Variants in GRIN2B observed in about 807,000 individuals in gnomAD.
The protein encoded by GRIN2B is glutamate receptor ionotropic, NMDA 2B.
In GRIN2B, 5 loss-of-function variants were observed where a neutral mutation model predicts 114.5. The ratio of observed to expected loss-of-function variants is 0.04; its 90% CI spans 0.02 to 0.09. The LOEUF (loss-of-function observed/expected upper bound fraction) is 0.09, where lower values mean the gene tolerates loss of function less well. GRIN2B is among the 10% of genes least tolerant of loss of function. GRIN2B has a pLI of 1.00. For synonymous variants in GRIN2B, 787 were observed against 745.1 expected, an observed-to-expected ratio of 1.06 and a Z score of -0.92; for missense variants, 1,108 against 1,943.5, an observed-to-expected ratio of 0.57 and a Z score of 8.08.
rs531756590 is a variant in GRIN2B, at chr12:13,634,410, C to G, written c.1126-17753G>C. Among the ~76,000 whole-genome samples, 90 of 152,290 alleles carry G rather than the reference C, an allele frequency of 5.9e-4. No individual in the cohort carries two copies. The South Asian group carries it at 0.011, about 18-fold the overall frequency. ...GCTCGTGTAACCACATTGAGGTTGG[C>G]AGGGCAGCCTTTTCTAAGCAGTGAT... On this transcript the variant is annotated intron_variant, in intron 5 of 13. Coordinates refer to ENST00000609686, the MANE Select transcript of GRIN2B (RefSeq NM_000834.5).
At chr12:13,670,287 TGGTAG>T (rs1254535356) in intron 5 of GRIN2B, 1 of 152,148 alleles carries the variant, frequency 6.6e-6, no homozygotes, top group Non-Finnish European at 1.5e-5. Context: ...GGGAGTTTTC[TGGTAG>T]GTGGAGGCAG....
chr12:13,864,878 C>T (rs967493311), intron 3 of GRIN2B, among the ~76,000 whole-genome samples: 2 of 152,062 alleles, frequency 1.3e-5, no homozygotes, highest in Admixed American at 6.6e-5. Context: ...ATCAGAATCC[C>T]GAGGGGTGGG....
chr12:13,710,774 T>A (rs1440573201), intron 4 of GRIN2B, among the ~76,000 whole-genome samples: 2 of 152,164 alleles, frequency 1.3e-5, no homozygotes, highest in African/African-American at 2.4e-5. Context: ...GTAGGAAGAA[T>A]CAATACTGTG....
chr12:13,888,708 T>C (rs535041668), intron 2 of GRIN2B, among the ~76,000 whole-genome samples: 2 of 150,396 alleles, frequency 1.3e-5, no homozygotes, highest in South Asian at 4.2e-4. Context: ...CATTCCAGCC[T>C]GGGAGAGGGA....
At chr12:13,862,393 C>A (rs1414514509) in intron 3 of GRIN2B, among the ~76,000 whole-genome samples, 4 of 152,114 alleles carry the variant, frequency 2.6e-5, no homozygotes, top group African/African-American at 7.2e-5. Context: ...TGGAAATAAA[C>A]TAACAACAAA....
intron 5 of GRIN2B, among the ~76,000 whole-genome samples, chr12:13,632,885 G>T (rs1470045879): frequency 6.6e-6 from 1 of 152,144 alleles, no homozygotes; most frequent in African/African-American, 2.4e-5. Flanking sequence ...CAATTATATT[G>T]GAATCGCTAA....
chr12:13,668,334 A>G (rs898543751), intron 5 of GRIN2B, among the ~76,000 whole-genome samples: 21 of 152,186 alleles, frequency 1.4e-4, no homozygotes, highest in African/African-American at 5.1e-4. Flanking sequence ...ATGATATTCC[A>G]AAGTCTATTC....
chr12:13,544,696 T>C lies in GRIN2B; in HGVS notation c.*18087A>G, dbSNP rs990247108. The C allele has an allele frequency of 1.2e-4, 18 of 152,334 alleles. No individual in the cohort carries two copies. Among genetic ancestry groups the C allele is most frequent in the African/African-American group, 4.1e-4 (17 of 41,576 alleles). 9.4% of individuals were successfully genotyped at this position (152,334 alleles called of 1,614,324 possible). A position where few individuals can be genotyped will look rare whatever the true frequency, so the allele number is the denominator to read the frequency against. On this transcript the variant is annotated 3_prime_UTR_variant, in exon 14 of 14. Coordinates refer to ENST00000609686, the MANE Select transcript of GRIN2B (RefSeq NM_000834.5). ...AGGTTATTCTTAAGATTTTTCTTTC[T>C]CTTATTCAATGTCTAATTCATCAGC...
At position 13,958,426 on chromosome 12, in the gene GRIN2B, T is replaced by C. The variant is rs142579876; in HGVS notation, c.-19+21502A>G. On this transcript the variant is annotated intron_variant, in intron 2 of 13. Coordinates refer to ENST00000609686, the MANE Select transcript of GRIN2B (RefSeq NM_000834.5). ...TCAGCTGCATAATGGAACATCATCA[T>C]CTATCTCATTTGCCAAATGAGGTCA... Among the ~76,000 whole-genome samples, 419 of 152,306 alleles carry C rather than the reference T, an allele frequency of 2.8e-3. 3 individuals carry two copies. Among genetic ancestry groups the C allele is most frequent in the African/African-American group, 9.0e-3 (375 of 41,572 alleles).
intron 4 of GRIN2B, among the ~76,000 whole-genome samples, chr12:13,678,857 T>A (rs548343001): frequency 6.6e-6 from 1 of 152,286 alleles, no homozygotes; most frequent in African/African-American, 2.4e-5. Context: ...TAATATAATA[T>A]ACTTGAAAAT....
intron 4 of GRIN2B, among the ~76,000 whole-genome samples, chr12:13,737,526 A>T (rs1462475064): frequency 6.6e-6 from 1 of 152,160 alleles, no homozygotes; most frequent in African/African-American, 2.4e-5. Flanking sequence ...TTCATATAAT[A>T]TCTTAAATGT....
chr12:13,888,791 A>AT (rs1491472127), intron 2 of GRIN2B, among the ~76,000 whole-genome samples: 1 of 57,898 alleles, frequency 1.7e-5, no homozygotes, highest in East Asian at 2.8e-4. Context: ...GGTATAAAAG[A>AT]TAAAAAAAAA....
intron 3 of GRIN2B, among the ~76,000 whole-genome samples, chr12:13,849,348 A>G (rs1865521171): frequency 6.6e-6 from 1 of 152,034 alleles, no homozygotes; most frequent in East Asian, 1.9e-4. Context: ...CAGCCGTTGG[A>G]CAACTTCAGG....
intron 10 of GRIN2B, among the ~76,000 whole-genome samples, chr12:13,595,059 T>C (rs986647480): frequency 1.6e-4 from 24 of 152,154 alleles, no homozygotes; most frequent in African/African-American, 5.8e-4. Context: ...AGAGGTGAGA[T>C]TGAAATTCCA....
chr12:13,855,049 G>GAGAAAAAAA (rs1555148042), intron 3 of GRIN2B, among the ~76,000 whole-genome samples: 2 of 88,028 alleles, frequency 2.3e-5, no homozygotes, highest in African/African-American at 9.7e-5. Context: ...CATCTCTACT[G>GAGAAAAAAA]AAAAAAAAAA....
intron 2 of GRIN2B, among the ~76,000 whole-genome samples, chr12:13,948,742 TTTACTTTTGAGTAAAG>T (rs1867414741): frequency 6.6e-6 from 1 of 152,162 alleles, no homozygotes; most frequent in East Asian, 1.9e-4. Context: ...TGTGTCTTGA[TTTACTTTTGAGTAAAG>T]ACTCAAAAGT....
Position 13,564,275 on chromosome 12 carries a change from T to G in GRIN2B, c.2963A>C (p.His988Pro). 6.2e-7 allele frequency: 1 copy of G among 1,614,132 alleles called. No individual in the cohort carries two copies. Among genetic ancestry groups the G allele is most frequent in the Non-Finnish European group, 8.5e-7 (1 of 1,180,026 alleles). ...ACTGCCAATACTATGGGGCCGGTGG[T>G]GATGGTGGTAGTGATCTTGGTACAC... ...SNVYQDHYHH[H>P]HRPHSIGSAS... The change falls in exon 14 of 14, where the codon CAC (histidine) becomes CCC (proline). Residue 988 changes from histidine (H) to proline (P), a missense_variant. Physicochemically the swap from His to Pro is moderately conservative, Grantham distance 77. Around this residue, in one of 19 missense-constraint regions of GRIN2B, gnomAD observed 140 missense variants for 187.5 expected, o/e 0.75. Transcript: ENST00000609686. This position sits in a 1 kb window ranked among gnomAD's most constrained non-coding sequence, Gnocchi z 4.8.
At chr12:13,918,918 C>T (rs1020163219) in intron 2 of GRIN2B, among the ~76,000 whole-genome samples, 4 of 152,170 alleles carry the variant, frequency 2.6e-5, no homozygotes, top group African/African-American at 9.7e-5. Context: ...TCCTTCCACC[C>T]ACTCAAAACT....
intron 4 of GRIN2B, among the ~76,000 whole-genome samples, chr12:13,678,975 A>T (rs1950103232): frequency 6.6e-6 from 1 of 151,282 alleles, no homozygotes; most frequent in Non-Finnish European, 1.5e-5. Flanking sequence ...GAAGGAAAGA[A>T]GGAAAAAGGA....
Sources: gnomAD v4.1 joint callset for allele counts (sites outside exome capture counted in the v4.1 genomes callset) on GRCh38, gnomAD v4.1.1 for gene constraint, gnomAD v4.1.1 regional missense constraint, Gnocchi (gnomAD v3.1) non-coding constraint, MANE v1.5 for transcripts, NCBI Gene and HGNC (gene_info 2026-07-23, HGNC 2026-07-21) for gene names.